Variants in KIAA0930 observed in about 807,000 individuals in gnomAD.
The protein encoded by KIAA0930 is KIAA0930.
A neutral mutation model predicts 43.9 loss-of-function variants in KIAA0930; 24 were observed. The ratio of observed to expected loss-of-function variants is 0.55; its 90% CI spans 0.40 to 0.77. The LOEUF (loss-of-function observed/expected upper bound fraction) is 0.77, where lower values mean the gene tolerates loss of function less well. Among genes scored for constraint, KIAA0930 ranks in the 30% least tolerant of loss-of-function variants. The pLI, the probability that KIAA0930 is intolerant of heterozygous loss-of-function variation, is 0.00. For synonymous variants in KIAA0930, 259 were observed against 216.4 expected, an observed-to-expected ratio of 1.20 and a Z score of -1.73; for missense variants, 461 against 574.2, an observed-to-expected ratio of 0.80 and a Z score of 2.02.
rs2083540505 is a variant in KIAA0930, at chr22:45,196,836, T to G, written c.*340A>C. On this transcript the variant is annotated 3_prime_UTR_variant, in exon 10 of 10. Transcript: ENST00000336156. The surrounding 1 kb of genome is among the most constrained non-coding windows in gnomAD (Gnocchi z 4.1). ...GGGGACGTGAACATAGACCCGCCGC[T>G]CTGGCCCCGCTCTGGGCATCAGCTG... 3.3e-6 allele frequency: 1 copy of G among 299,464 alleles called. No homozygotes were observed. 18.6% of individuals were successfully genotyped at this position (299,464 alleles called of 1,614,324 possible). A position where few individuals can be genotyped will look rare whatever the true frequency, so the allele number is the denominator to read the frequency against.
At position 45,239,332 on chromosome 22, in the gene KIAA0930, G is replaced by A. The variant is rs78514506; in HGVS notation, c.64+1308C>T. Among the ~76,000 whole-genome samples, 526 of 152,358 alleles carry A rather than the reference G, an allele frequency of 3.5e-3. 1 individual carries two copies. The highest frequency in any genetic ancestry group is 5.6e-3 in the Admixed American group (85 of 15,310). ...GAATGTTTGCAGAATGAATGAATAA[G>A]CACGCTCCAACTTCTGCTCAAAAGT... On this transcript the variant is annotated intron_variant, in intron 1 of 9. Transcript: ENST00000336156.
chr22:45,221,905 T>C (rs2083770099), intron 1 of KIAA0930, among the ~76,000 whole-genome samples: 1 of 152,174 alleles, frequency 6.6e-6, no homozygotes, highest in African/African-American at 2.4e-5. Flanking sequence ...AGGCTAATTT[T>C]TCTATTTTAG....
rs373291407 is a variant in KIAA0930, at chr22:45,240,476, G to A, written c.64+164C>T. ...GACAGACCCAGATGCAGGGACGGTG[G>A]GGGGGGGGCCATGGAGGAAGACAGG... On this transcript the variant is annotated intron_variant, in intron 1 of 9. Coordinates refer to ENST00000336156, the MANE Select transcript of KIAA0930 (RefSeq NM_001009880.2). Among the ~76,000 whole-genome samples, 44 of 149,222 alleles carry A rather than the reference G, an allele frequency of 2.9e-4. No homozygotes were observed. In the East Asian group the frequency reaches 6.0e-3, roughly 20 times the overall value.
At chr22:45,203,316 T>A in intron 6 of KIAA0930, 132 bp from the exon 7 acceptor site, 1 of 905,148 alleles carries the variant, frequency 1.1e-6, no homozygotes. Context: ...GCGTCTGAGC[T>A]GGCAGGCGGG....
chr22:45,220,124 T>C (rs1264099472), intron 1 of KIAA0930, among the ~76,000 whole-genome samples: 1 of 152,124 alleles, frequency 6.6e-6, no homozygotes, highest in Non-Finnish European at 1.5e-5. Context: ...ATTAAAAATA[T>C]ATGCCATTGG....
intron 2 of KIAA0930, among the ~76,000 whole-genome samples, chr22:45,210,014 T>C (rs1352417194): frequency 1.3e-5 from 2 of 151,770 alleles, no homozygotes; most frequent in East Asian, 3.9e-4. Context: ...TCCTTTCTCC[T>C]CCCCCTACCC....
chr22:45,228,947 G>A (rs866871898), intron 1 of KIAA0930, among the ~76,000 whole-genome samples: 7 of 19,806 alleles, frequency 3.5e-4, no homozygotes, highest in Admixed American at 1.8e-3. Flanking sequence ...ACTCACCTGA[G>A]AGATCCCTCT....
rs550197949 is a variant in KIAA0930, at chr22:45,195,643, G to C, written c.*1533C>G. 1.3e-5 allele frequency: 2 copies of C among 150,806 alleles called. No individual in the cohort carries two copies. The highest frequency in any genetic ancestry group is 2.5e-5 in the African/African-American group (1 of 40,420). The allele number at this position is 150,806 out of a possible 1,614,324, so 9.3% of individuals were successfully genotyped here. On this transcript the variant is annotated 3_prime_UTR_variant, in exon 10 of 10. Coordinates refer to ENST00000336156, the MANE Select transcript of KIAA0930 (RefSeq NM_001009880.2). ...AAGTTCACATCCCCCCACCAAGCACGGTCTCAGATTAGGTTATTACAAAGG... is the reference window on the plus strand; with the variant it reads ...AAGTTCACATCCCCCCACCAAGCACCGTCTCAGATTAGGTTATTACAAAGG...
chr22:45,206,562 T>C (rs1444947517), intron 2 of KIAA0930, among the ~76,000 whole-genome samples: 2 of 152,358 alleles, frequency 1.3e-5, no homozygotes, highest in East Asian at 3.9e-4. Context: ...TTATTAATCC[T>C]TTTAAAGCAA....
At position 45,205,916 on chromosome 22, in the gene KIAA0930, C is replaced by T. The variant is rs753086453; in HGVS notation, c.217-4G>A. On this transcript the variant is annotated splice_polypyrimidine_tract_variant and splice_region_variant and intron_variant, in intron 2 of 9. Coordinates refer to ENST00000336156, the MANE Select transcript of KIAA0930 (RefSeq NM_001009880.2). Reference sequence around the variant, plus strand: ...CCTCCACCTCAGGCTCAGCTGCCTGCGAGGCCCAGAGCAGAAGTGAGTGCC... The same window carrying T: ...CCTCCACCTCAGGCTCAGCTGCCTGTGAGGCCCAGAGCAGAAGTGAGTGCC... 2.0e-5 allele frequency: 32 copies of T among 1,612,304 alleles called. No homozygotes were observed. The Admixed American group carries it at 2.0e-4, about 10-fold the overall frequency.
intron 7 of KIAA0930, 154 bp from the exon 8 acceptor site, chr22:45,200,189 A>G (rs1601808068): frequency 4.4e-6 from 3 of 684,032 alleles, no homozygotes; most frequent in Non-Finnish European, 6.8e-6. Flanking sequence ...GGCCCGTGCT[A>G]GGTGGGGCCT....
intron 1 of KIAA0930, among the ~76,000 whole-genome samples, chr22:45,234,064 G>C (rs1023774502): frequency 6.6e-5 from 10 of 152,232 alleles, no homozygotes; most frequent in Admixed American, 5.2e-4. Flanking sequence ...AGCAGTGACA[G>C]GGAGAGGCTG....
At chr22:45,213,365 A>G (rs1235795742) in intron 1 of KIAA0930, 1 of 1,303,420 alleles carries the variant, frequency 7.7e-7, no homozygotes, top group African/African-American at 1.5e-5. Flanking sequence ...GGGCAGTGAG[A>G]GGGAGGAAAA....
rs2083532231 is a variant in KIAA0930, at chr22:45,195,941, C to CT, written c.*1234dup. 1 of 152,278 alleles carries CT rather than the reference C, an allele frequency of 6.6e-6. No homozygotes were observed. The highest frequency in any genetic ancestry group is 2.1e-4 in the South Asian group (1 of 4,836). The allele number at this position is 152,278 out of a possible 1,614,324, so 9.4% of individuals were successfully genotyped here. ...AAACAGATGGGAGAACAAGACCCTC[C>CT]TCTTCCTTTTCCCCCACAGAGAAGA... On this transcript the variant is annotated 3_prime_UTR_variant, in exon 10 of 10. Transcript: ENST00000336156.
rs749854331 is a variant in KIAA0930 at position 45,197,861 on chromosome 22, C to T, written c.1103G>A (p.Arg368Lys). 2.5e-6 allele frequency: 4 copies of T among 1,614,196 alleles called. No homozygotes were observed. In the South Asian group the frequency reaches 4.4e-5, roughly 18 times the overall value. ...SLVGSWLKLNRADGNFLLYAH... is the reference protein window; with the variant it reads ...SLVGSWLKLNKADGNFLLYAH... ...ATAGAGAAGGAAGTTTCCATCTGCT[C>T]TGTTCAGCTTCAGCCAGGACCCGAC... Residue 368 changes from arginine to lysine, a missense_variant, in exon 9 of 10, where the codon AGA becomes AAA. Transcript: ENST00000336156.
intron 7 of KIAA0930, 128 bp from the exon 8 acceptor site, chr22:45,200,163 G>C (rs2083574760): frequency 1.0e-6 from 1 of 957,706 alleles, no homozygotes; most frequent in African/African-American, 1.7e-5. Flanking sequence ...TGGCCCAGGA[G>C]GACCCAGGCC....
At chr22:45,204,085 A>G (rs1601811026) in intron 5 of KIAA0930, 100 bp from the exon 6 acceptor site, 16 of 1,504,840 alleles carry the variant, frequency 1.1e-5, no homozygotes, top group Non-Finnish European at 1.4e-5. Context: ...AGAAAACCCC[A>G]TTTTGCAGGG....
chr22:45,224,484 G>T lies in KIAA0930; in HGVS notation c.65-12377C>A, dbSNP rs1601822605. 3.3e-5 allele frequency among the ~76,000 whole-genome samples: 5 copies of T among 152,302 alleles called. No homozygotes were observed. The South Asian group carries it at 8.3e-4, about 25-fold the overall frequency. ...CTGAAGCAGTTTATTTTACAAACGA[G>T]GACATGGCAGGAGGGAGACTGCCCG... On this transcript the variant is annotated intron_variant, in intron 1 of 9. Coordinates refer to ENST00000336156, the MANE Select transcript of KIAA0930 (RefSeq NM_001009880.2).
intron 1 of KIAA0930, among the ~76,000 whole-genome samples, chr22:45,234,842 G>A (rs1207286895): frequency 1.3e-5 from 2 of 152,146 alleles, no homozygotes; most frequent in South Asian, 4.1e-4. Context: ...ATGAAAAAGC[G>A]TGATTAAGAA....
Sources: allele counts gnomAD v4.1 joint callset (sites outside exome capture counted in the v4.1 genomes callset), GRCh38; gene constraint gnomAD v4.1.1; non-coding constraint Gnocchi (gnomAD v3.1); transcripts MANE v1.5; gene names NCBI Gene and HGNC (gene_info 2026-07-23, HGNC 2026-07-21).